DCAF17: variants seen among roughly 807,000 people sequenced by gnomAD.
DCAF17 encodes DDB1 and CUL4 associated factor 17, also known as DDB1- and CUL4-associated factor 17.
A neutral mutation model predicts 66.0 loss-of-function variants in DCAF17; 48 were observed. The ratio of observed to expected loss-of-function variants is 0.73; its 90% CI spans 0.58 to 0.92. The LOEUF (loss-of-function observed/expected upper bound fraction) is 0.92, where lower values mean the gene tolerates loss of function less well. Ranked by LOEUF, DCAF17 falls within the 40% of genes least tolerant of loss-of-function variation. The probability of loss-of-function intolerance (pLI) is 0.00; values close to 1 mark genes in which losing one functional copy is unlikely to be tolerated. For missense variants in DCAF17, 562 were observed against 622.8 expected (o/e 0.90, Z 1.04); for synonymous variants, 206 against 214.6 (o/e 0.96, Z 0.35).
chr2:171,434,686 C>T lies in DCAF17; in HGVS notation c.109C>T (p.Arg37Trp). 2 of 1,500,114 alleles carry T rather than the reference C, an allele frequency of 1.3e-6. No homozygotes were observed. The highest frequency in any genetic ancestry group is 1.8e-6 in the Non-Finnish European group (2 of 1,133,500). 92.9% of individuals were successfully genotyped at this position (1,500,114 alleles called of 1,614,324 possible). Reference sequence around the variant, plus strand: ...GCAGAGGACCAACCTGGGCATCCTGCGGGCGCTGGTGTGCCAGGTGACCGC... The same window carrying T: ...GCAGAGGACCAACCTGGGCATCCTGTGGGCGCTGGTGTGCCAGGTGACCGC... ...VVQRTNLGILRALVCQESTKF... is the reference protein window; with the variant it reads ...VVQRTNLGILWALVCQESTKF... Residue 37 changes from arginine (R) to tryptophan (W), a missense_variant, in exon 1 of 14, where the codon CGG becomes TGG. Transcript: ENST00000375255.
Position 171,481,971 on chromosome 2 carries a change from C to A in DCAF17, c.*857C>A, listed in dbSNP as rs1410387282. ...CCCTTGCCTGCAGTAGTTCTGTTTCCTGTAGAAAAGTGGATAAAGAGTCCC... is the reference window on the plus strand; with the variant it reads ...CCCTTGCCTGCAGTAGTTCTGTTTCATGTAGAAAAGTGGATAAAGAGTCCC... On this transcript the variant is annotated 3_prime_UTR_variant, in exon 14 of 14. Coordinates refer to ENST00000375255, the MANE Select transcript of DCAF17 (RefSeq NM_025000.4). 1 of 453,806 alleles carries A rather than the reference C, an allele frequency of 2.2e-6. No homozygotes were observed. Among genetic ancestry groups the A allele is most frequent in the African/African-American group, 2.0e-5 (1 of 49,938 alleles). 28.1% of individuals were successfully genotyped at this position (453,806 alleles called of 1,614,324 possible).
intron 3 of DCAF17, among the ~76,000 whole-genome samples, chr2:171,446,895 G>A (rs1694656891): frequency 6.6e-6 from 1 of 152,000 alleles, no homozygotes; most frequent in African/African-American, 2.4e-5. Context: ...TAACAAAAAA[G>A]CCTAATTTCA....
At chr2:171,441,510 C>G (rs1444640275) in intron 2 of DCAF17, among the ~76,000 whole-genome samples, 1 of 152,174 alleles carries the variant, frequency 6.6e-6, no homozygotes, top group Admixed American at 6.5e-5. Flanking sequence ...GAAGAAGGGA[C>G]CCCCACCTCT....
rs370048164 is a variant in DCAF17, at chr2:171,468,937, G to A, written c.888G>A (p.Gln296=). 1.2e-6 allele frequency: 2 copies of A among 1,614,014 alleles called. No homozygotes were observed. The highest frequency in any genetic ancestry group is 1.7e-6 in the Non-Finnish European group (2 of 1,180,014). ...FEVSSLENAF[Q]IGGHPWHYIV... is the part of the protein sequence containing the mutation. Reference sequence around the variant, plus strand: ...TGTCATCCCTGGAGAATGCTTTTCAGATTGGAGGCCATCCTTGGCACTACA... The same window carrying A: ...TGTCATCCCTGGAGAATGCTTTTCAAATTGGAGGCCATCCTTGGCACTACA... The change falls in exon 9 of 14, where the codon CAG becomes CAA. Residue 296 remains glutamine (Q), a synonymous_variant. Transcript: ENST00000375255.
intron 8 of DCAF17, among the ~76,000 whole-genome samples, chr2:171,464,211 T>G (rs1359001776): frequency 3.9e-5 from 6 of 152,194 alleles, no homozygotes; most frequent in Non-Finnish European, 2.9e-5. Flanking sequence ...TTAGAGACTC[T>G]CAGTTTCCTA....
chr2:171,477,433 A>G (rs1020591550), intron 11 of DCAF17, among the ~76,000 whole-genome samples: 4 of 149,460 alleles, frequency 2.7e-5, no homozygotes, highest in African/African-American at 9.8e-5. Flanking sequence ...TGAGGCAGCT[A>G]ATCTATAATC....
In DCAF17 at chr2:171,482,705, C is replaced by G. The variant is rs756656686; in HGVS notation, c.*1591C>G. 2.2e-6 allele frequency: 1 copy of G among 453,120 alleles called. No homozygotes were observed. The highest frequency in any genetic ancestry group is 1.6e-5 in the South Asian group (1 of 64,330). The allele number at this position is 453,120 out of a possible 1,614,324, so 28.1% of individuals were successfully genotyped here. A position where few individuals can be genotyped will look rare whatever the true frequency, so the allele number is the denominator to read the frequency against. On this transcript the variant is annotated 3_prime_UTR_variant, in exon 14 of 14. Transcript: ENST00000375255. ...AGGTGATTATTGAGTTTCTCCTTCTCCTTTAAGTCATCACCTTCCTTTTAT... is the reference window on the plus strand; with the variant it reads ...AGGTGATTATTGAGTTTCTCCTTCTGCTTTAAGTCATCACCTTCCTTTTAT...
Position 171,465,541 on chromosome 2 carries a change from T to C in DCAF17, c.839-3347T>C, listed in dbSNP as rs140740017. On this transcript the variant is annotated intron_variant, in intron 8 of 13. Transcript: ENST00000375255. ...TGCTGTCACCCAGGCTGGAGTGCAG[T>C]GGCGCGATCTCAGCTGACTGCAACC... is the stretch of plus-strand genomic sequence containing the variant. Among the ~76,000 whole-genome samples the C allele has an allele frequency of 4.2e-3, 633 of 152,292 alleles. 4 individuals carry two copies. The highest frequency in any genetic ancestry group is 0.014 in the African/African-American group (596 of 41,570).
At chr2:171,478,179 C>T in intron 12 of DCAF17, 109 bp downstream of exon 12, 2 of 943,724 alleles carry the variant, frequency 2.1e-6, no homozygotes, top group Non-Finnish European at 3.4e-6. Flanking sequence ...TGAGGGGTTG[C>T]AGGCAGGCCA....
chr2:171,477,884 G>A (rs1574405201), intron 11 of DCAF17, 103 bp from the exon 12 acceptor site: 1 of 868,624 alleles, frequency 1.2e-6, no homozygotes, highest in Non-Finnish European at 1.9e-6. Flanking sequence ...TTGTGGATGT[G>A]GGAGAAGGGT....
rs1365692144 is a variant in DCAF17 at position 171,484,408 on chromosome 2, T to C, written c.*3294T>C. 2.5e-6 allele frequency: 1 copy of C among 393,734 alleles called. No homozygotes were observed. Among genetic ancestry groups the C allele is most frequent in the Non-Finnish European group, 4.9e-6 (1 of 203,972 alleles). 24.4% of individuals were successfully genotyped at this position (393,734 alleles called of 1,614,324 possible). A position where few individuals can be genotyped will look rare whatever the true frequency, so the allele number is the denominator to read the frequency against. On this transcript the variant is annotated 3_prime_UTR_variant, in exon 14 of 14. Coordinates refer to ENST00000375255, the MANE Select transcript of DCAF17 (RefSeq NM_025000.4). ...CAAACATACAGTAAAATTGAAAGAATTTTATAGTAAATACTGACCACGGGG... is the reference window on the plus strand; with the variant it reads ...CAAACATACAGTAAAATTGAAAGAACTTTATAGTAAATACTGACCACGGGG...
rs192554805 is a variant in DCAF17, at chr2:171,460,186, G to A, written c.838+1709G>A. Among the ~76,000 whole-genome samples the A allele has an allele frequency of 6.6e-5, 10 of 151,940 alleles. No homozygotes were observed. The East Asian group carries it at 9.7e-4, about 15-fold the overall frequency. On this transcript the variant is annotated intron_variant, in intron 8 of 13. Coordinates refer to ENST00000375255, the MANE Select transcript of DCAF17 (RefSeq NM_025000.4). ...AAAAATACAAAAATTAGCTAGGCACGGTGGCAGGCACCTGTAATCCCAGCT... is the reference window on the plus strand; with the variant it reads ...AAAAATACAAAAATTAGCTAGGCACAGTGGCAGGCACCTGTAATCCCAGCT...
intron 4 of DCAF17, 151 bp from the exon 5 acceptor site, chr2:171,449,728 A>AT: frequency 2.0e-6 from 1 of 509,544 alleles, no homozygotes; most frequent in Non-Finnish European, 3.4e-6. Context: ...TATAGAGGAA[A>AT]TTTTTTTAGC....
intron 8 of DCAF17, among the ~76,000 whole-genome samples, chr2:171,461,955 T>A (rs191002047): frequency 1.4e-4 from 21 of 152,304 alleles, no homozygotes; most frequent in African/African-American, 5.1e-4. Context: ...GATATTATAT[T>A]TGAGATTCGT....
At chr2:171,443,497 A>C (rs766497476) in intron 2 of DCAF17, 26 bp from the exon 3 acceptor site, 3 of 1,575,814 alleles carry the variant, frequency 1.9e-6, no homozygotes, top group Non-Finnish European at 1.7e-6. Context: ...CAAGAATAAT[A>C]ATCATTTATT....
rs779579578 is a variant in DCAF17 at position 171,443,595 on chromosome 2, A to G, written c.303A>G (p.Leu101=). ...AATCAGAAAAAATAGAGGATGCTTTATTATGGGAATGCCCAGTGGTAAGAT... is the reference window on the plus strand; with the variant it reads ...AATCAGAAAAAATAGAGGATGCTTTGTTATGGGAATGCCCAGTGGTAAGAT... ...CSKSEKIEDA[L]LWECPVGDIL... is the part of the protein sequence containing the mutation. Residue 101 remains leucine, a synonymous_variant, in exon 3 of 14, where the codon TTA becomes TTG. Coordinates refer to ENST00000375255, the MANE Select transcript of DCAF17 (RefSeq NM_025000.4). 1 of 1,612,914 alleles carries G rather than the reference A, an allele frequency of 6.2e-7. No individual in the cohort carries two copies. Among genetic ancestry groups the G allele is most frequent in the Non-Finnish European group, 8.5e-7 (1 of 1,179,352 alleles).
chr2:171,482,199 T>G lies in DCAF17; in HGVS notation c.*1085T>G. 1 of 453,126 alleles carries G rather than the reference T, an allele frequency of 2.2e-6. No homozygotes were observed. Among genetic ancestry groups the G allele is most frequent in the South Asian group, 1.6e-5 (1 of 63,956 alleles). The allele number at this position is 453,126 out of a possible 1,614,324, so 28.1% of individuals were successfully genotyped here. On this transcript the variant is annotated 3_prime_UTR_variant, in exon 14 of 14. Coordinates refer to ENST00000375255, the MANE Select transcript of DCAF17 (RefSeq NM_025000.4). ...TTCTTTGTGCTTCCTGTTTGAGAAA[T>G]TCAGTTGCTTCCATTTCGCATGTTC...
chr2:171,438,201 A>G (rs1694079012), intron 2 of DCAF17, among the ~76,000 whole-genome samples: 1 of 152,244 alleles, frequency 6.6e-6, no homozygotes, highest in South Asian at 2.1e-4. Context: ...GTGGTTTAAT[A>G]CCACTATGAC....
In DCAF17 at chr2:171,468,887, G is replaced by A; in HGVS notation, c.839-1G>A. ...ATGAATTCCTTTTCCTGTCTCTACA[G>A]ACATGCCACCACTGCTCTTTGAGGT... On this transcript the variant is annotated splice_acceptor_variant, in intron 8 of 13. Coordinates refer to ENST00000375255, the MANE Select transcript of DCAF17 (RefSeq NM_025000.4). LOFTEE classifies it high-confidence loss of function. 3 of 1,614,110 alleles carry A rather than the reference G, an allele frequency of 1.9e-6. No individual in the cohort carries two copies. Among genetic ancestry groups the A allele is most frequent in the Non-Finnish European group, 2.5e-6 (3 of 1,179,984 alleles).
Sources: gnomAD v4.1 joint callset for allele counts (sites outside exome capture counted in the v4.1 genomes callset) on GRCh38, gnomAD v4.1.1 for gene constraint, MANE v1.5 for transcripts, NCBI Gene and HGNC (gene_info 2026-07-23, HGNC 2026-07-21) for gene names.